The following ENPP6 variants were observed in gnomAD, a reference collection of about 807,000 sequenced individuals.
ENPP6 encodes the protein ectonucleotide pyrophosphatase/phosphodiesterase 6, also known as glycerophosphocholine cholinephosphodiesterase ENPP6.
In ENPP6, 32 loss-of-function variants were observed where a neutral mutation model predicts 42.0. That is an observed-to-expected ratio of 0.76 (90% CI 0.58 to 1.02). ENPP6 has a LOEUF of 1.02. Ranked by LOEUF, ENPP6 falls within the 50% of genes least tolerant of loss-of-function variation. ENPP6 has a pLI of 0.00. For synonymous variants in ENPP6, 213 were observed against 216.0 expected (o/e 0.99, Z 0.12); for missense variants, 552 against 566.8 (o/e 0.97, Z 0.27).
rs1037824926 is a variant in ENPP6, at chr4:184,191,376, A to G, written c.241+26203T>C. Among the ~76,000 whole-genome samples the G allele has an allele frequency of 9.1e-4, 138 of 152,262 alleles. 1 individual carries two copies. Among genetic ancestry groups the G allele is most frequent in the Middle Eastern group, 3.2e-3 (1 of 316 alleles). Reference sequence around the variant, plus strand: ...CCTAGCACTGAGCATAGCACAAAATACGGTAGACATTTGGGAAATGTACGT... The same window carrying G: ...CCTAGCACTGAGCATAGCACAAAATGCGGTAGACATTTGGGAAATGTACGT... On this transcript the variant is annotated intron_variant, in intron 1 of 7. Coordinates refer to ENST00000296741, the MANE Select transcript of ENPP6 (RefSeq NM_153343.4).
chr4:184,130,333 T>A (rs1316787734), intron 2 of ENPP6, among the ~76,000 whole-genome samples: 1 of 150,426 alleles, frequency 6.6e-6, no homozygotes, highest in South Asian at 2.1e-4. Context: ...CCGAGGTGGG[T>A]GGATCACGAG....
intron 1 of ENPP6, among the ~76,000 whole-genome samples, chr4:184,203,107 C>G (rs1343886407): frequency 6.7e-6 from 1 of 149,844 alleles, no homozygotes; most frequent in Non-Finnish European, 1.5e-5. Context: ...AAAAAATAGC[C>G]AAGTGTGGGG....
At chr4:184,157,843 C>A (rs1472418953) in intron 1 of ENPP6, among the ~76,000 whole-genome samples, 1 of 144,184 alleles carries the variant, frequency 6.9e-6, no homozygotes, top group African/African-American at 2.6e-5. Context: ...TGGTCTCAAA[C>A]TCCTGGGCTC....
intron 1 of ENPP6, among the ~76,000 whole-genome samples, chr4:184,157,774 ATT>A (rs34358499): frequency 3.7e-4 from 45 of 122,356 alleles, no homozygotes; most frequent in Middle Eastern, 8.6e-3. Flanking sequence ...AACTTGGCTA[ATT>A]TTTTTTTTTT....
chr4:184,216,810 G>A (rs1211517699), intron 1 of ENPP6: 2 of 152,138 alleles, frequency 1.3e-5, no homozygotes, highest in East Asian at 1.9e-4. Context: ...TCATGCAGTC[G>A]CGTTTGGAGT....
chr4:184,190,148 G>T (rs1732694627), intron 1 of ENPP6, among the ~76,000 whole-genome samples: 1 of 152,140 alleles, frequency 6.6e-6, no homozygotes, highest in Non-Finnish European at 1.5e-5. Flanking sequence ...CAGACTCTCT[G>T]TTATAAGTGG....
chr4:184,102,692 C>G (rs12501469), intron 6 of ENPP6, among the ~76,000 whole-genome samples: 62,673 of 151,976 alleles, frequency 0.41, 13,294 homozygotes, highest in East Asian at 0.59. Flanking sequence ...TGCCTGGTGC[C>G]TCCTGCTCTG....
chr4:184,217,180 A>T (rs1355282390), intron 1 of ENPP6, among the ~76,000 whole-genome samples: 2 of 152,134 alleles, frequency 1.3e-5, no homozygotes, highest in Non-Finnish European at 2.9e-5. Context: ...CCAGGATGAC[A>T]TGACCACAGA....
chr4:184,152,013 T>C (rs1737058879), intron 2 of ENPP6, among the ~76,000 whole-genome samples: 1 of 152,218 alleles, frequency 6.6e-6, no homozygotes, highest in African/African-American at 2.4e-5. Context: ...AGGTGTCTTC[T>C]GAAGAAATTG....
chr4:184,135,050 A>T (rs920785130), intron 2 of ENPP6, among the ~76,000 whole-genome samples: 6 of 152,054 alleles, frequency 3.9e-5, no homozygotes, highest in African/African-American at 1.4e-4. Context: ...ATTACATGAC[A>T]GTCAGAGGAC....
At chr4:184,114,154 C>T (rs992299844) in intron 5 of ENPP6, among the ~76,000 whole-genome samples, 45 of 151,998 alleles carry the variant, frequency 3.0e-4, no homozygotes, top group Non-Finnish European at 2.9e-5. Flanking sequence ...TTAGTAAAGA[C>T]GGGTTTTCGC....
At chr4:184,131,140 ACTTT>A (rs1171459794) in intron 2 of ENPP6, among the ~76,000 whole-genome samples, 2,701 of 121,640 alleles carry the variant, frequency 0.022, 86 homozygotes, top group African/African-American at 0.033. Context: ...ACCAGCACTT[ACTTT>A]CTTTCTTTCT....
intron 2 of ENPP6, among the ~76,000 whole-genome samples, chr4:184,134,880 G>A (rs772592462): frequency 1.0e-4 from 15 of 150,634 alleles, no homozygotes; most frequent in African/African-American, 1.7e-4. Flanking sequence ...AGCTGCATTC[G>A]TCTTATGCCA....
At chr4:184,172,678 A>C (rs1223110082) in intron 1 of ENPP6, among the ~76,000 whole-genome samples, 2 of 152,078 alleles carry the variant, frequency 1.3e-5, no homozygotes, top group Non-Finnish European at 2.9e-5. Context: ...TCTCCATTTC[A>C]GTTTAAGGCC....
intron 2 of ENPP6, among the ~76,000 whole-genome samples, chr4:184,133,614 T>A (rs9784508): frequency 0.64 from 97,046 of 151,732 alleles, 31,366 homozygotes; most frequent in Non-Finnish European, 0.68. Flanking sequence ...ACCCTCCAGT[T>A]CAAAGCTAAA....
intron 2 of ENPP6, among the ~76,000 whole-genome samples, chr4:184,131,611 G>A (rs1736636641): frequency 6.6e-6 from 1 of 150,704 alleles, no homozygotes; most frequent in African/African-American, 2.5e-5. Flanking sequence ...TGATCCACCT[G>A]CCTTGGCCTC....
At chr4:184,173,596 T>TGAAGTGTCTG (rs1230039724) in intron 1 of ENPP6, among the ~76,000 whole-genome samples, 1 of 152,248 alleles carries the variant, frequency 6.6e-6, no homozygotes, top group Admixed American at 6.5e-5. Context: ...TGGCTAAATT[T>TGAAGTGTCTG]GAAGTGTCTG....
In ENPP6 at chr4:184,164,218, C is replaced by T. The variant is rs150086884; in HGVS notation, c.242-10485G>A. ...CTAAAATGGGATTCATGATACTCTC[C>T]GGGCTAGATTGCAACGAGCATTAAA... On this transcript the variant is annotated intron_variant, in intron 1 of 7. Coordinates refer to ENST00000296741, the MANE Select transcript of ENPP6 (RefSeq NM_153343.4). 5.7e-3 allele frequency among the ~76,000 whole-genome samples: 871 copies of T among 152,298 alleles called. 15 individuals are homozygous for T. In the South Asian group the frequency reaches 0.064, roughly 11 times the overall value.
At chr4:184,116,024 G>C (rs1001927307) in intron 5 of ENPP6, among the ~76,000 whole-genome samples, 4 of 151,510 alleles carry the variant, frequency 2.6e-5, no homozygotes, top group African/African-American at 7.3e-5. Context: ...GACCATCCTG[G>C]TTAACATGGT....
Sources: gnomAD v4.1 joint callset for allele counts (sites outside exome capture counted in the v4.1 genomes callset) on GRCh38, gnomAD v4.1.1 for gene constraint, MANE v1.5 for transcripts, NCBI Gene and HGNC (gene_info 2026-07-23, HGNC 2026-07-21) for gene names.